VAV3: variants seen among roughly 807,000 people sequenced by gnomAD.
The protein encoded by VAV3 is guanine nucleotide exchange factor VAV3.
VAV3 carries 94 observed loss-of-function variants against 131.2 expected under a neutral mutation model. The observed-to-expected ratio is 0.72, with a 90% confidence interval of 0.61 to 0.85. The LOEUF (loss-of-function observed/expected upper bound fraction) is 0.85, where lower values mean the gene tolerates loss of function less well. Ranked by LOEUF, VAV3 falls within the 40% of genes least tolerant of loss-of-function variation. The probability of loss-of-function intolerance (pLI) is 0.00; values close to 1 mark genes in which losing one functional copy is unlikely to be tolerated. For synonymous variants in VAV3, 349 were observed against 342.0 expected (o/e 1.02, Z -0.22); for missense variants, 939 against 1,002.7 (o/e 0.94, Z 0.86).
chr1:107,792,396 C>A (rs1666333495), intron 2 of VAV3, among the ~76,000 whole-genome samples: 1 of 152,178 alleles, frequency 6.6e-6, no homozygotes. Context: ...CAGCCTCAAA[C>A]ACACGGGCTC....
At chr1:107,826,557 T>A (rs368026212) in intron 2 of VAV3, among the ~76,000 whole-genome samples, 4 of 152,186 alleles carry the variant, frequency 2.6e-5, no homozygotes, top group African/African-American at 4.8e-5. Context: ...TATGAGGTCA[T>A]ACTTTCATTA....
At chr1:107,644,214 T>G (rs1195078094) in intron 19 of VAV3, among the ~76,000 whole-genome samples, 1 of 152,156 alleles carries the variant, frequency 6.6e-6, no homozygotes, top group Non-Finnish European at 1.5e-5. Context: ...CATATTCTAT[T>G]AAGTTGCTAC....
chr1:107,837,169 TAAC>T (rs2102403673), intron 2 of VAV3, among the ~76,000 whole-genome samples: 1 of 152,174 alleles, frequency 6.6e-6, no homozygotes, highest in South Asian at 2.1e-4. Context: ...CAGAAATCCT[TAAC>T]AAAATACTAG....
At chr1:107,710,188 A>G (rs1660704953) in intron 15 of VAV3, among the ~76,000 whole-genome samples, 2 of 152,358 alleles carry the variant, frequency 1.3e-5, no homozygotes, top group African/African-American at 2.4e-5. Flanking sequence ...CCAATTACAG[A>G]GCAAATAAGA....
At chr1:107,787,475 G>A (rs147649781) in intron 2 of VAV3, among the ~76,000 whole-genome samples, 50 of 152,270 alleles carry the variant, frequency 3.3e-4, no homozygotes, top group Middle Eastern at 3.4e-3. Context: ...TGGGCAGAGG[G>A]AGCTAGAGGG....
intron 20 of VAV3, among the ~76,000 whole-genome samples, chr1:107,637,571 C>T (rs1182664754): frequency 2.6e-5 from 4 of 152,052 alleles, no homozygotes; most frequent in African/African-American, 9.7e-5. Flanking sequence ...TGCAATGAGC[C>T]GTGATCCCGC....
chr1:107,633,458 GA>G (rs1025572931), intron 20 of VAV3, among the ~76,000 whole-genome samples: 4 of 152,076 alleles, frequency 2.6e-5, no homozygotes, highest in African/African-American at 9.7e-5. Context: ...TCTTTGTTGT[GA>G]AAAACTGATT....
chr1:107,734,748 C>T (rs1662484874), intron 15 of VAV3, among the ~76,000 whole-genome samples: 1 of 152,014 alleles, frequency 6.6e-6, no homozygotes, highest in African/African-American at 2.4e-5. Context: ...TAGACTCCCA[C>T]ACAACAATAG....
chr1:107,757,153 ATGTG>A (rs34437461), intron 11 of VAV3, 104 bp downstream of exon 11: 78,410 of 565,270 alleles, frequency 0.14, 699 homozygotes, highest in Middle Eastern at 0.16. Context: ...ATGTGTGTAT[ATGTG>A]TGTGTGTGTG....
chr1:107,786,061 G>A (rs917559189), intron 2 of VAV3, among the ~76,000 whole-genome samples: 1 of 152,176 alleles, frequency 6.6e-6, no homozygotes, highest in Non-Finnish European at 1.5e-5. Context: ...GTTGAAAAAT[G>A]TCCTTAGCAC....
chr1:107,944,207 G>A lies in VAV3; in HGVS notation c.204+20459C>T, dbSNP rs182945005. ...ATATTGGAAACTGTGGCTTAAGGAT[G>A]CCGGACCCCCTCTCATCTTCTACTT... is the stretch of plus-strand genomic sequence containing the variant. On this transcript the variant is annotated intron_variant, in intron 1 of 26. Transcript: ENST00000370056. Among the ~76,000 whole-genome samples the A allele has an allele frequency of 3.4e-3, 514 of 152,354 alleles. 3 individuals carry two copies. The highest frequency in any genetic ancestry group is 4.1e-3 in the Non-Finnish European group (277 of 68,032).
chr1:107,829,908 G>C (rs1410773324), intron 2 of VAV3, among the ~76,000 whole-genome samples: 1 of 152,022 alleles, frequency 6.6e-6, no homozygotes, highest in Non-Finnish European at 1.5e-5. Context: ...AAGCAACCGA[G>C]AGATAAGATA....
At chr1:107,582,601 C>A (rs562718435) in intron 25 of VAV3, among the ~76,000 whole-genome samples, 152 of 141,318 alleles carry the variant, frequency 1.1e-3, no homozygotes, top group African/African-American at 4.0e-3. Context: ...TGTGATGTTC[C>A]CCTTCCTGTG....
chr1:107,757,110 T>C, intron 11 of VAV3, 151 bp downstream of exon 11: 1 of 493,176 alleles, frequency 2.0e-6, no homozygotes, highest in East Asian at 3.3e-5. Context: ...TAATATTTTA[T>C]TTATGTGTAT....
At chr1:107,602,247 T>C in intron 24 of VAV3, 150 bp downstream of exon 24, 1 of 501,492 alleles carries the variant, frequency 2.0e-6, no homozygotes, top group Non-Finnish European at 3.4e-6. Context: ...TAAATTAGAA[T>C]TTTCAGGATT....
intron 25 of VAV3, among the ~76,000 whole-genome samples, chr1:107,589,466 G>A (rs10881472): frequency 0.94 from 142,654 of 152,202 alleles, 67,449 homozygotes; most frequent in East Asian, 1. Context: ...CTGGGAGAGG[G>A]GCATGGGAGG....
At chr1:107,951,235 A>G (rs1674517244) in intron 1 of VAV3, among the ~76,000 whole-genome samples, 1 of 152,132 alleles carries the variant, frequency 6.6e-6, no homozygotes, top group Non-Finnish European at 1.5e-5. Flanking sequence ...TGTAGTAACC[A>G]TTCATGTCTC....
Position 107,573,196 on chromosome 1 carries a change from G to C in VAV3, c.*135C>G. 2 of 891,118 alleles carry C rather than the reference G, an allele frequency of 2.2e-6. No individual in the cohort carries two copies. Among genetic ancestry groups the C allele is most frequent in the Non-Finnish European group, 3.4e-6 (2 of 582,002 alleles). The allele number at this position is 891,118 out of a possible 1,614,324, so 55.2% of individuals were successfully genotyped here. A position where few individuals can be genotyped will look rare whatever the true frequency, so the allele number is the denominator to read the frequency against. Reference sequence around the variant, plus strand: ...AAATCTCAGCATTAAGACTTAGGAGGGGCTAAGGAGGGAGGATGTTGAACA... The same window carrying C: ...AAATCTCAGCATTAAGACTTAGGAGCGGCTAAGGAGGGAGGATGTTGAACA... On this transcript the variant is annotated 3_prime_UTR_variant, in exon 27 of 27. Coordinates refer to ENST00000370056, the MANE Select transcript of VAV3 (RefSeq NM_006113.5).
chr1:107,962,940 C>T (rs1029334870), intron 1 of VAV3, among the ~76,000 whole-genome samples: 1 of 152,174 alleles, frequency 6.6e-6, no homozygotes, highest in Non-Finnish European at 1.5e-5. Flanking sequence ...GGGAACAGAA[C>T]TCTTAGAGCA....
Sources: allele counts gnomAD v4.1 joint callset (sites outside exome capture counted in the v4.1 genomes callset), GRCh38; gene constraint gnomAD v4.1.1; transcripts MANE v1.5; gene names NCBI Gene and HGNC (gene_info 2026-07-23, HGNC 2026-07-21).